ASIC2: variants seen among roughly 807,000 people sequenced by gnomAD.
ASIC2 encodes the protein acid sensing ion channel subunit 2, also known as acid-sensing ion channel 2.
In ASIC2, 25 loss-of-function variants were observed where a neutral mutation model predicts 57.3. That is an observed-to-expected ratio of 0.44 (90% CI 0.32 to 0.61). The LOEUF (loss-of-function observed/expected upper bound fraction) is 0.61, where lower values mean the gene tolerates loss of function less well. Among genes scored for constraint, ASIC2 ranks in the 20% least tolerant of loss-of-function variants. The pLI is 0.06. For synonymous variants in ASIC2, 319 were observed against 307.5 expected, an observed-to-expected ratio of 1.04 and a Z score of -0.39; for missense variants, 641 against 738.1, an observed-to-expected ratio of 0.87 and a Z score of 1.52.
At chr17:33,384,237 C>G (rs1261874304) in intron 1 of ASIC2, among the ~76,000 whole-genome samples, 2 of 152,150 alleles carry the variant, frequency 1.3e-5, no homozygotes, top group Admixed American at 1.3e-4. Context: ...ACATGATTGC[C>G]CTTTCCAAAT....
intron 1 of ASIC2, among the ~76,000 whole-genome samples, chr17:33,645,944 A>G (rs1906725910): frequency 6.6e-6 from 1 of 152,092 alleles, no homozygotes; most frequent in Non-Finnish European, 1.5e-5. Flanking sequence ...CTATCATTCC[A>G]CTTTATAGAC....
At chr17:34,107,215 C>A (rs1426136195) in intron 1 of ASIC2, among the ~76,000 whole-genome samples, 2 of 152,114 alleles carry the variant, frequency 1.3e-5, no homozygotes, top group Admixed American at 1.3e-4. Flanking sequence ...CACATCTACT[C>A]TTTTGGCTTG....
intron 1 of ASIC2, among the ~76,000 whole-genome samples, chr17:34,044,639 C>T (rs572466664): frequency 2.0e-5 from 3 of 152,278 alleles, no homozygotes; most frequent in East Asian, 1.9e-4. Flanking sequence ...ATACCAAATT[C>T]GTCTGTTTCT....
chr17:33,083,556 C>T (rs780862435), intron 3 of ASIC2, among the ~76,000 whole-genome samples: 1 of 152,136 alleles, frequency 6.6e-6, no homozygotes, highest in Non-Finnish European at 1.5e-5. Flanking sequence ...CAGGATAAGA[C>T]AGCAAAGTCT....
chr17:33,120,365 A>C (rs2092297272), intron 1 of ASIC2, among the ~76,000 whole-genome samples: 1 of 152,222 alleles, frequency 6.6e-6, no homozygotes, highest in African/African-American at 2.4e-5. Flanking sequence ...CTATGCAGGA[A>C]AAAGAGCATC....
At chr17:34,099,494 GAAGGA>G (rs200825297) in intron 1 of ASIC2, among the ~76,000 whole-genome samples, 1,506 of 127,422 alleles carry the variant, frequency 0.012, 23 homozygotes, top group African/African-American at 0.044. Context: ...GGAGGGAAAA[GAAGGA>G]AAGAGGAAAG....
intron 1 of ASIC2, among the ~76,000 whole-genome samples, chr17:33,640,392 A>G (rs894364581): frequency 6.6e-6 from 1 of 152,224 alleles, no homozygotes; most frequent in African/African-American, 2.4e-5. Flanking sequence ...GAATCGAAAC[A>G]TGTTTAATCA....
intron 1 of ASIC2, among the ~76,000 whole-genome samples, chr17:33,751,720 A>T (rs1351371155): frequency 6.6e-6 from 1 of 151,958 alleles, no homozygotes; most frequent in East Asian, 1.9e-4. Flanking sequence ...ATTTAATTCT[A>T]GTTTCCCCTG....
intron 1 of ASIC2, among the ~76,000 whole-genome samples, chr17:33,722,396 A>T (rs1909415533): frequency 6.6e-6 from 1 of 152,212 alleles, no homozygotes; most frequent in African/African-American, 2.4e-5. Flanking sequence ...GTGAGAATAG[A>T]CTAATACAAT....
chr17:33,125,888 A>T (rs943076612), intron 1 of ASIC2, among the ~76,000 whole-genome samples: 2 of 152,184 alleles, frequency 1.3e-5, no homozygotes, highest in Admixed American at 6.5e-5. Flanking sequence ...GATCCCTGGA[A>T]CAGGACCAGG....
intron 1 of ASIC2, among the ~76,000 whole-genome samples, chr17:33,372,709 C>A (rs1173472822): frequency 3.3e-5 from 5 of 152,160 alleles, no homozygotes; most frequent in Admixed American, 6.5e-5. Context: ...AACCGCTGGC[C>A]ATTGGGATCT....
intron 1 of ASIC2, among the ~76,000 whole-genome samples, chr17:33,439,700 C>A (rs141026631): frequency 6.6e-6 from 1 of 152,242 alleles, no homozygotes; most frequent in African/African-American, 2.4e-5. Context: ...AAGCCCAGAG[C>A]CAAAGGAGAA....
chr17:34,089,501 G>C (rs1284093031), intron 1 of ASIC2, among the ~76,000 whole-genome samples: 2 of 152,164 alleles, frequency 1.3e-5, no homozygotes, highest in Non-Finnish European at 2.9e-5. Flanking sequence ...TATGGAAATT[G>C]ATGAGCCAAA....
chr17:34,063,555 A>C (rs1909047867), intron 1 of ASIC2, among the ~76,000 whole-genome samples: 2 of 152,200 alleles, frequency 1.3e-5, no homozygotes, highest in African/African-American at 4.8e-5. Context: ...AGGGCATCCA[A>C]ATCAGTAAAG....
intron 1 of ASIC2, among the ~76,000 whole-genome samples, chr17:33,144,234 G>A (rs932019563): frequency 6.6e-6 from 1 of 152,106 alleles, no homozygotes; most frequent in Non-Finnish European, 1.5e-5. Flanking sequence ...TGGGAACATG[G>A]AATGTACAGT....
intron 1 of ASIC2, among the ~76,000 whole-genome samples, chr17:33,557,007 G>T (rs958871507): frequency 6.6e-6 from 1 of 152,158 alleles, no homozygotes; most frequent in Admixed American, 6.5e-5. Flanking sequence ...AGCCCTTCTT[G>T]GACAGCTGCT....
At chr17:34,055,194 A>C (rs549364204) in intron 1 of ASIC2, among the ~76,000 whole-genome samples, 14 of 152,318 alleles carry the variant, frequency 9.2e-5, no homozygotes, top group African/African-American at 3.4e-4. Flanking sequence ...AAAGCCATTA[A>C]ATTGGTTTAA....
intron 1 of ASIC2, among the ~76,000 whole-genome samples, chr17:33,930,181 G>T (rs903803801): frequency 1.3e-5 from 2 of 152,204 alleles, no homozygotes; most frequent in Non-Finnish European, 2.9e-5. Flanking sequence ...GTCTTTATCC[G>T]CAAAGCAGGG....
At chr17:33,733,249 A>T (rs756849287) in intron 1 of ASIC2, among the ~76,000 whole-genome samples, 4 of 152,172 alleles carry the variant, frequency 2.6e-5, no homozygotes, top group Non-Finnish European at 4.4e-5. Flanking sequence ...CAGAAGAGGG[A>T]ACTCCTAACT....
Sources: gnomAD v4.1 joint callset for allele counts (sites outside exome capture counted in the v4.1 genomes callset) on GRCh38, gnomAD v4.1.1 for gene constraint, MANE v1.5 for transcripts, NCBI Gene and HGNC (gene_info 2026-07-23, HGNC 2026-07-21) for gene names.